Variants in DPP10 observed in about 807,000 individuals in gnomAD.
DPP10 encodes the protein inactive dipeptidyl peptidase 10.
DPP10 carries 33 observed loss-of-function variants against 120.9 expected under a neutral mutation model. The ratio of observed to expected loss-of-function variants is 0.27; its 90% CI spans 0.21 to 0.37. The LOEUF is 0.37. DPP10 is among the 10% of genes least tolerant of loss of function. DPP10 has a pLI of 1.00. For synonymous variants in DPP10, 337 were observed against 326.1 expected (o/e 1.03, Z -0.36); for missense variants, 816 against 942.8 (o/e 0.87, Z 1.76).
chr2:115,022,524 A>T (rs779404229), intron 1 of DPP10, among the ~76,000 whole-genome samples: 1 of 152,150 alleles, frequency 6.6e-6, no homozygotes, highest in Non-Finnish European at 1.5e-5. Flanking sequence ...ATTGAAACAC[A>T]TCCCATGCTC....
chr2:115,604,229 G>T (rs1426421832), intron 5 of DPP10, among the ~76,000 whole-genome samples: 1 of 151,914 alleles, frequency 6.6e-6, no homozygotes. Context: ...GGATTCTTAG[G>T]GTTGTCCTCC....
intron 1 of DPP10, among the ~76,000 whole-genome samples, chr2:115,279,701 G>A (rs1198105699): frequency 2.4e-5 from 2 of 83,958 alleles, no homozygotes; most frequent in African/African-American, 4.9e-5. Flanking sequence ...GATTTCTGTC[G>A]CCCAGGCTGG....
chr2:115,810,938 T>G (rs762766148), intron 19 of DPP10, among the ~76,000 whole-genome samples: 15 of 152,212 alleles, frequency 9.9e-5, no homozygotes, highest in South Asian at 2.1e-4. Flanking sequence ...GTGGTACCCA[T>G]TTATTATAAG....
intron 1 of DPP10, among the ~76,000 whole-genome samples, chr2:114,894,364 A>G (rs867967499): frequency 8.5e-5 from 13 of 152,176 alleles, no homozygotes; most frequent in African/African-American, 3.1e-4. Flanking sequence ...AATTAAAACA[A>G]CAACAACAAA....
chr2:115,207,416 C>CAAAAA lies in DPP10; in HGVS notation c.61-101797_61-101793dup, dbSNP rs57462947. On this transcript the variant is annotated intron_variant, in intron 1 of 25. Transcript: ENST00000410059. ...GGTTTTTAAAGAGTGCTTACTGCACCAAAAAAAAAAAAAAAAAAAAAAAAA... is the reference window on the plus strand; with the variant it reads ...GGTTTTTAAAGAGTGCTTACTGCACCAAAAAAAAAAAAAAAAAAAAAAAAAAAAAA... Among the ~76,000 whole-genome samples, 171 of 52,298 alleles carry CAAAAA rather than the reference C, an allele frequency of 3.3e-3. 15 individuals carry two copies. The highest frequency in any genetic ancestry group is 0.022 in the East Asian group (38 of 1,752). The allele number at this position is 52,298 out of a possible 152,430, so 34.3% of individuals were successfully genotyped here. A position where few individuals can be genotyped will look rare whatever the true frequency, so the allele number is the denominator to read the frequency against.
intron 5 of DPP10, among the ~76,000 whole-genome samples, chr2:115,585,049 C>T (rs768487553): frequency 3.9e-4 from 59 of 152,060 alleles, no homozygotes; most frequent in Admixed American, 4.6e-4. Flanking sequence ...CATATGCTGG[C>T]GAAGTTATAG....
chr2:115,732,539 A>T (rs558868934), intron 8 of DPP10, among the ~76,000 whole-genome samples: 3 of 152,326 alleles, frequency 2.0e-5, no homozygotes, highest in Admixed American at 1.3e-4. Flanking sequence ...AAACACGTAT[A>T]ATGTTATTCA....
chr2:114,446,979 A>G (rs1373552374), intron 1 of DPP10, among the ~76,000 whole-genome samples: 4 of 151,822 alleles, frequency 2.6e-5, no homozygotes, highest in East Asian at 1.9e-4. Flanking sequence ...ATTGCCATGA[A>G]TTGGCATGAT....
At chr2:115,108,606 G>T (rs2049062877) in intron 1 of DPP10, among the ~76,000 whole-genome samples, 1 of 151,978 alleles carries the variant, frequency 6.6e-6, no homozygotes, top group Non-Finnish European at 1.5e-5. Flanking sequence ...CCTGTGTGGG[G>T]ATCTAGTGCA....
intron 4 of DPP10, 24 bp from the exon 5 acceptor site, chr2:115,525,874 A>G (rs1446760095): frequency 1.3e-6 from 2 of 1,559,724 alleles, no homozygotes; most frequent in Non-Finnish European, 8.7e-7. Context: ...TTTAAATATA[A>G]CTGGTTTTTT....
At chr2:115,679,196 G>GGA (rs1189804776) in intron 5 of DPP10, among the ~76,000 whole-genome samples, 1 of 151,850 alleles carries the variant, frequency 6.6e-6, no homozygotes, top group African/African-American at 2.4e-5. Flanking sequence ...ATGAGATGTG[G>GGA]GGGGGGTGCA....
chr2:115,178,505 A>G (rs2053858470), intron 1 of DPP10, among the ~76,000 whole-genome samples: 1 of 152,236 alleles, frequency 6.6e-6, no homozygotes, highest in Non-Finnish European at 1.5e-5. Context: ...TCTGTGGAGG[A>G]GAGTGGCTAC....
intron 1 of DPP10, among the ~76,000 whole-genome samples, chr2:114,579,667 C>A (rs1690337185): frequency 6.6e-6 from 1 of 152,158 alleles, no homozygotes; most frequent in South Asian, 2.1e-4. Context: ...GACTTGGGAG[C>A]TTTCTGCAAG....
chr2:115,777,842 G>A lies in DPP10; in HGVS notation c.1361+8G>A, dbSNP rs1233002677. 6.2e-7 allele frequency: 1 copy of A among 1,613,100 alleles called. No homozygotes were observed. Among genetic ancestry groups the A allele is most frequent in the Non-Finnish European group, 8.5e-7 (1 of 1,179,318 alleles). Reference sequence around the variant, plus strand: ...AGGAAGGCAGCTGTACAGGTAAGCAGTGTGCAAGGATCTCCTTACACAGAT... The same window carrying A: ...AGGAAGGCAGCTGTACAGGTAAGCAATGTGCAAGGATCTCCTTACACAGAT... On this transcript the variant is annotated splice_region_variant and intron_variant, in intron 15 of 25. Coordinates refer to ENST00000410059, the MANE Select transcript of DPP10 (RefSeq NM_020868.6).
At chr2:115,316,244 A>G (rs879909782) in intron 2 of DPP10, among the ~76,000 whole-genome samples, 2 of 152,182 alleles carry the variant, frequency 1.3e-5, no homozygotes, top group Admixed American at 1.3e-4. Context: ...TAAATTGACT[A>G]ATTTCACACA....
At chr2:115,210,331 C>T (rs2056424404) in intron 1 of DPP10, among the ~76,000 whole-genome samples, 1 of 152,108 alleles carries the variant, frequency 6.6e-6, no homozygotes, top group African/African-American at 2.4e-5. Context: ...TCATCCATGT[C>T]CCTACAAAGG....
intron 1 of DPP10, among the ~76,000 whole-genome samples, chr2:114,685,955 T>C (rs1699337206): frequency 6.6e-6 from 1 of 151,986 alleles, no homozygotes; most frequent in Admixed American, 6.6e-5. Flanking sequence ...TTTTGTTCTT[T>C]AATATTGTTC....
intron 1 of DPP10, among the ~76,000 whole-genome samples, chr2:114,787,584 T>C (rs2106221475): frequency 1.3e-5 from 2 of 152,344 alleles, no homozygotes; most frequent in South Asian, 2.1e-4. Context: ...TGCTGCTCTC[T>C]AAAGCAATGA....
At chr2:115,415,864 T>TATATATATATATAG (rs2069366552) in intron 3 of DPP10, among the ~76,000 whole-genome samples, 1 of 137,012 alleles carries the variant, frequency 7.3e-6, no homozygotes, top group Non-Finnish European at 1.6e-5. Context: ...TATATATATA[T>TATATATATATATAG]ATATATATAT....
Sources: gnomAD v4.1 joint callset for allele counts (sites outside exome capture counted in the v4.1 genomes callset) on GRCh38, gnomAD v4.1.1 for gene constraint, MANE v1.5 for transcripts, NCBI Gene and HGNC (gene_info 2026-07-23, HGNC 2026-07-21) for gene names.